Variants in GABRG2 observed in about 807,000 individuals in gnomAD.
GABRG2 encodes the protein gamma-aminobutyric acid receptor subunit gamma-2.
A neutral mutation model predicts 56.4 loss-of-function variants in GABRG2; 16 were observed. The ratio of observed to expected loss-of-function variants is 0.28; its 90% CI spans 0.19 to 0.43. The LOEUF (loss-of-function observed/expected upper bound fraction) is 0.43. Among genes scored for constraint, GABRG2 ranks in the 20% least tolerant of loss-of-function variants. GABRG2 has a pLI of 1.00. For missense variants in GABRG2, 327 were observed against 582.7 expected, an observed-to-expected ratio of 0.56 and a Z score of 4.52; for synonymous variants, 208 against 205.5, an observed-to-expected ratio of 1.01 and a Z score of -0.10.
intron 6 of GABRG2, among the ~76,000 whole-genome samples, chr5:162,108,129 T>C (rs210988): frequency 0.82 from 125,218 of 152,134 alleles, 51,680 homozygotes; most frequent in African/African-American, 0.86. Context: ...ATTGAGACTT[T>C]GAGGGGTTCA....
At chr5:162,088,752 A>G (rs1233591528) in intron 1 of GABRG2, among the ~76,000 whole-genome samples, 1 of 152,158 alleles carries the variant, frequency 6.6e-6, no homozygotes, top group African/African-American at 2.4e-5. Context: ...TTGGCCAACT[A>G]AAGTGACTAT....
rs1425571216 is a variant in GABRG2, at chr5:162,153,479, G to A, written c.*111G>A. The stretch of plus-strand genomic sequence containing the variant: ...ATGTGGTTGATAATGATCTGAATCT[G>A]TTTCTATGTCCAAACCTGGTAAATT... On this transcript the variant is annotated 3_prime_UTR_variant, in exon 10 of 10. Coordinates refer to ENST00000639213, the MANE Select transcript of GABRG2 (RefSeq NM_198904.4). The A allele has an allele frequency of 7.7e-7, 1 of 1,295,768 alleles. No homozygotes were observed. The highest frequency in any genetic ancestry group is 1.1e-6 in the Non-Finnish European group (1 of 897,484). The allele number at this position is 1,295,768 out of a possible 1,614,324, so 80.3% of individuals were successfully genotyped here. A position where few individuals can be genotyped will look rare whatever the true frequency, so the allele number is the denominator to read the frequency against.
chr5:162,129,314 A>T (rs1763552867), intron 6 of GABRG2: 1 of 151,984 alleles, frequency 6.6e-6, no homozygotes. Flanking sequence ...AAGAAAAGGG[A>T]GAGTTTGTTT....
intron 6 of GABRG2, among the ~76,000 whole-genome samples, chr5:162,114,691 G>T (rs903859505): frequency 1.3e-5 from 2 of 152,160 alleles, no homozygotes; most frequent in Non-Finnish European, 2.9e-5. Context: ...CCAGAATTTT[G>T]TCAATCTAGA....
chr5:162,092,892 C>T (rs1760712226), intron 1 of GABRG2, among the ~76,000 whole-genome samples: 1 of 152,064 alleles, frequency 6.6e-6, no homozygotes, highest in Admixed American at 6.6e-5. Flanking sequence ...ATGGAAATGG[C>T]AGCTTTTGCA....
At chr5:162,068,395 T>G (rs1270108857) in intron 1 of GABRG2, among the ~76,000 whole-genome samples, 4 of 152,084 alleles carry the variant, frequency 2.6e-5, no homozygotes, top group African/African-American at 7.2e-5. Flanking sequence ...TTTGACATTA[T>G]TGCAATCTGA....
At chr5:162,136,930 A>G (rs1317740955) in intron 6 of GABRG2, among the ~76,000 whole-genome samples, 1 of 152,136 alleles carries the variant, frequency 6.6e-6, no homozygotes, top group African/African-American at 2.4e-5. Flanking sequence ...CAAAAGCTAG[A>G]GCTTAGCTAT....
At chr5:162,111,778 A>G (rs1399774119) in intron 6 of GABRG2, among the ~76,000 whole-genome samples, 1 of 152,076 alleles carries the variant, frequency 6.6e-6, no homozygotes, top group African/African-American at 2.4e-5. Context: ...CACAATTTTT[A>G]CTCCATAAAG....
Position 162,142,334 on chromosome 5 carries a change from A to T in GABRG2, c.922+18A>T. 1 of 1,613,634 alleles carries T rather than the reference A, an allele frequency of 6.2e-7. No homozygotes were observed. Among genetic ancestry groups the T allele is most frequent in the Non-Finnish European group, 8.5e-7 (1 of 1,179,676 alleles). The stretch of plus-strand genomic sequence containing the variant: ...ATCTTTAGGTGAGACACCTTTGTTT[A>T]TGTTGCAGTTTCTCAAGATAAGTAC... On this transcript the variant is annotated intron_variant, in intron 7 of 9. Transcript: ENST00000639213.
chr5:162,101,358 A>G (rs548306755), intron 5 of GABRG2, 41 bp downstream of exon 5: 1 of 1,294,690 alleles, frequency 7.7e-7, no homozygotes, highest in South Asian at 1.2e-5. Context: ...TCCCTCACCT[A>G]CAGTCTTTCT....
At chr5:162,140,927 A>C (rs549274792) in intron 6 of GABRG2, among the ~76,000 whole-genome samples, 13 of 152,332 alleles carry the variant, frequency 8.5e-5, no homozygotes, top group African/African-American at 3.1e-4. Context: ...AAATTGTGTC[A>C]CAATAAATTG....
At chr5:162,068,738 A>G (rs1376552364) in intron 1 of GABRG2, among the ~76,000 whole-genome samples, 1 of 152,134 alleles carries the variant, frequency 6.6e-6, no homozygotes. Flanking sequence ...CTAACCTGAT[A>G]GAACGTCTCT....
chr5:162,152,996 T>C, intron 9 of GABRG2, 97 bp from the exon 10 acceptor site: 1 of 1,424,470 alleles, frequency 7.0e-7, no homozygotes, highest in East Asian at 2.3e-5. Flanking sequence ...GTACCCATTT[T>C]CAGATTCATC....
chr5:162,119,620 T>C (rs2113473312), intron 6 of GABRG2, among the ~76,000 whole-genome samples: 1 of 152,198 alleles, frequency 6.6e-6, no homozygotes, highest in East Asian at 1.9e-4. Flanking sequence ...ATGACAATGA[T>C]CGAGATGTAA....
At chr5:162,102,705 A>AT (rs1340521834) in intron 5 of GABRG2, 1 of 414,706 alleles carries the variant, frequency 2.4e-6, no homozygotes, top group South Asian at 1.7e-5. Context: ...TAATTTCTGT[A>AT]TTTTTTGTAG....
chr5:162,083,958 AC>A (rs1759858576), intron 1 of GABRG2, among the ~76,000 whole-genome samples: 1 of 151,856 alleles, frequency 6.6e-6, no homozygotes, highest in Non-Finnish European at 1.5e-5. Flanking sequence ...TAAAAACAAT[AC>A]AAACTGGAAA....
At chr5:162,114,246 C>G (rs939793289) in intron 6 of GABRG2, among the ~76,000 whole-genome samples, 1 of 152,052 alleles carries the variant, frequency 6.6e-6, no homozygotes, top group Non-Finnish European at 1.5e-5. Context: ...CTCTACTACT[C>G]CCTGTCCTAT....
chr5:162,136,531 G>A (rs1764143108), intron 6 of GABRG2, among the ~76,000 whole-genome samples: 1 of 152,058 alleles, frequency 6.6e-6, no homozygotes, highest in Non-Finnish European at 1.5e-5. Context: ...TGAAGAAAAG[G>A]GGTAAAGAGA....
chr5:162,103,610 C>T (rs1477789568), intron 5 of GABRG2: 2 of 436,636 alleles, frequency 4.6e-6, no homozygotes, highest in East Asian at 4.8e-5. Context: ...GTAAAGTATG[C>T]ATATGGCATA....
Sources: allele counts gnomAD v4.1 joint callset (sites outside exome capture counted in the v4.1 genomes callset), GRCh38; gene constraint gnomAD v4.1.1; transcripts MANE v1.5; gene names NCBI Gene and HGNC (gene_info 2026-07-23, HGNC 2026-07-21).